The following EDIL3 variants were observed in gnomAD, a reference collection of about 807,000 sequenced individuals.
The protein encoded by EDIL3 is EGF-like repeat and discoidin I-like domain-containing protein 3.
A neutral mutation model predicts 67.4 loss-of-function variants in EDIL3; 37 were observed. That is an observed-to-expected ratio of 0.55 (90% CI 0.42 to 0.72). The LOEUF (loss-of-function observed/expected upper bound fraction) is 0.72. EDIL3 is among the 30% of genes least tolerant of loss of function. The pLI is 0.00. For missense variants in EDIL3, 527 were observed against 586.3 expected, an observed-to-expected ratio of 0.90 and a Z score of 1.04; for synonymous variants, 195 against 196.3, an observed-to-expected ratio of 0.99 and a Z score of 0.05.
At chr5:83,976,529 T>A (rs1161778665) in intron 9 of EDIL3, among the ~76,000 whole-genome samples, 1 of 151,866 alleles carries the variant, frequency 6.6e-6, no homozygotes, top group African/African-American at 2.4e-5. Context: ...AATCTATTTA[T>A]TTGCAATGAA....
At chr5:84,117,056 C>T (rs1276797421) in intron 5 of EDIL3, among the ~76,000 whole-genome samples, 1 of 105,200 alleles carries the variant, frequency 9.5e-6, no homozygotes, top group Non-Finnish European at 1.7e-5. Flanking sequence ...GAGACGGAGT[C>T]TCGCTCTGTG....
chr5:84,344,121 C>T (rs1561263518), intron 1 of EDIL3, among the ~76,000 whole-genome samples: 1 of 152,056 alleles, frequency 6.6e-6, no homozygotes, highest in Non-Finnish European at 1.5e-5. Flanking sequence ...GGACCTAGTG[C>T]TTAGAGGAAA....
At chr5:84,034,428 A>G (rs542524971) in intron 9 of EDIL3, among the ~76,000 whole-genome samples, 1 of 152,328 alleles carries the variant, frequency 6.6e-6, no homozygotes, top group Admixed American at 6.5e-5. Context: ...TTCTAGAATA[A>G]TGGAAACTTT....
At chr5:84,049,259 T>G (rs1561414434) in intron 9 of EDIL3, among the ~76,000 whole-genome samples, 1 of 151,978 alleles carries the variant, frequency 6.6e-6, no homozygotes, top group Non-Finnish European at 1.5e-5. Flanking sequence ...CATTTCATTA[T>G]TTTATTGGAA....
At chr5:84,241,938 C>T (rs1744800705) in intron 2 of EDIL3, among the ~76,000 whole-genome samples, 1 of 151,646 alleles carries the variant, frequency 6.6e-6, no homozygotes. Flanking sequence ...TATACAAAAG[C>T]AGCCGGGCGC....
intron 4 of EDIL3, among the ~76,000 whole-genome samples, chr5:84,156,293 G>A (rs559170472): frequency 6.6e-6 from 1 of 152,262 alleles, no homozygotes; most frequent in East Asian, 1.9e-4. Flanking sequence ...CCTGCTGTCT[G>A]TCTACTCTGT....
At chr5:84,101,405 G>A (rs1300091965) in intron 6 of EDIL3, among the ~76,000 whole-genome samples, 3 of 151,886 alleles carry the variant, frequency 2.0e-5, no homozygotes, top group Non-Finnish European at 4.4e-5. Context: ...AAATTCAAGA[G>A]GTTGTTACTG....
At position 84,248,831 on chromosome 5, in the gene EDIL3, T is replaced by G. The variant is rs377380102; in HGVS notation, c.196+5253A>C. ...TCTATGGTATCATCTAAATACTCAG[T>G]GACTCTCTCCTCTTCATCCCGTTAG... On this transcript the variant is annotated intron_variant, in intron 2 of 10. Transcript: ENST00000296591. Among the ~76,000 whole-genome samples, 3 of 152,290 alleles carry G rather than the reference T, an allele frequency of 2.0e-5. No homozygotes were observed. The East Asian group carries it at 5.8e-4, about 29-fold the overall frequency.
chr5:84,064,584 T>A, intron 8 of EDIL3, 116 bp downstream of exon 8: 1 of 1,341,046 alleles, frequency 7.5e-7, no homozygotes, highest in Admixed American at 2.8e-5. Flanking sequence ...GTAGACATTT[T>A]TCCCCAGAAA....
At chr5:84,334,812 T>A (rs1472979530) in intron 1 of EDIL3, among the ~76,000 whole-genome samples, 2 of 152,116 alleles carry the variant, frequency 1.3e-5, no homozygotes, top group African/African-American at 4.8e-5. Context: ...TACTATTTTT[T>A]AAAAAAACTT....
At position 84,176,842 on chromosome 5, in the gene EDIL3, T is replaced by C. The variant is rs144212315; in HGVS notation, c.355+3551A>G. ...ATATATATATAAAATTTGATAATTCTATACCAAATCCAATACTAATCATTA... is the reference window on the plus strand; with the variant it reads ...ATATATATATAAAATTTGATAATTCCATACCAAATCCAATACTAATCATTA... On this transcript the variant is annotated intron_variant, in intron 4 of 10. Transcript: ENST00000296591. Among the ~76,000 whole-genome samples the C allele has an allele frequency of 7.8e-4, 118 of 151,932 alleles. No homozygotes were observed. The East Asian group carries it at 0.021, about 27-fold the overall frequency.
At chr5:84,163,036 G>A (rs551452586) in intron 4 of EDIL3, among the ~76,000 whole-genome samples, 11 of 152,112 alleles carry the variant, frequency 7.2e-5, no homozygotes, top group African/African-American at 2.4e-4. Context: ...AATATTTAGG[G>A]AAAACAGACA....
chr5:84,061,462 T>C (rs1746540501), intron 8 of EDIL3, among the ~76,000 whole-genome samples: 1 of 152,146 alleles, frequency 6.6e-6, no homozygotes, highest in Non-Finnish European at 1.5e-5. Context: ...GTCTTCTTTA[T>C]GTGAAACTGT....
chr5:84,057,631 T>TA lies in EDIL3; in HGVS notation c.1137+2668dup, dbSNP rs373263019. On this transcript the variant is annotated intron_variant, in intron 9 of 10. Transcript: ENST00000296591. ...ATTATAAAAATTTAGTTTCCTTATT[T>TA]AAAAAAAAGTCAGCTCTTCAACAAG... Among the ~76,000 whole-genome samples the TA allele has an allele frequency of 3.9e-5, 6 of 152,066 alleles. No individual in the cohort carries two copies. The South Asian group carries it at 8.3e-4, about 21-fold the overall frequency.
chr5:83,974,624 T>C (rs1160623269), intron 9 of EDIL3, among the ~76,000 whole-genome samples: 1 of 152,100 alleles, frequency 6.6e-6, no homozygotes, highest in Non-Finnish European at 1.5e-5. Context: ...CCAGCAGATC[T>C]GGCAGGGCTA....
intron 9 of EDIL3, among the ~76,000 whole-genome samples, chr5:84,023,364 A>G (rs759071918): frequency 3.3e-5 from 5 of 152,074 alleles, no homozygotes; most frequent in Non-Finnish European, 7.4e-5. Context: ...TACATCATAA[A>G]CAATGTACAG....
intron 1 of EDIL3, among the ~76,000 whole-genome samples, chr5:84,265,573 A>G (rs1745331174): frequency 6.6e-6 from 1 of 152,236 alleles, no homozygotes; most frequent in Non-Finnish European, 1.5e-5. Flanking sequence ...TCACATGAAG[A>G]CAACGTTTTA....
intron 1 of EDIL3, among the ~76,000 whole-genome samples, chr5:84,282,873 T>G (rs2112109295): frequency 6.6e-6 from 1 of 152,318 alleles, no homozygotes; most frequent in Admixed American, 6.5e-5. Context: ...GTTAAGTATA[T>G]AATATTAATA....
At chr5:84,272,875 G>A (rs986528961) in intron 1 of EDIL3, among the ~76,000 whole-genome samples, 12 of 152,002 alleles carry the variant, frequency 7.9e-5, no homozygotes, top group African/African-American at 1.2e-4. Flanking sequence ...AAGCTGCCAC[G>A]ATGGATGTCT....
Sources: allele counts gnomAD v4.1 joint callset (sites outside exome capture counted in the v4.1 genomes callset), GRCh38; gene constraint gnomAD v4.1.1; transcripts MANE v1.5; gene names NCBI Gene and HGNC (gene_info 2026-07-23, HGNC 2026-07-21).